CNTN5: variants seen among roughly 807,000 people sequenced by gnomAD.
CNTN5 encodes contactin 5, also known as contactin-5.
In CNTN5, 77 loss-of-function variants were observed where a neutral mutation model predicts 129.1. The observed-to-expected ratio is 0.60, with a 90% CI of 0.50 to 0.72. The LOEUF is 0.72. Ranked by LOEUF, CNTN5 falls within the 30% of genes least tolerant of loss-of-function variation. CNTN5 has a pLI of 0.00. For synonymous variants in CNTN5, 509 were observed against 465.6 expected (o/e 1.09, Z -1.20); for missense variants, 1,478 against 1,328.8 (o/e 1.11, Z -1.75).
rs200808386 is a variant in CNTN5, at chr11:99,176,477, CTCAAAA to C, written c.-209-148863_-209-148858del. Among the ~76,000 whole-genome samples the C allele has an allele frequency of 5.1e-4, 78 of 152,216 alleles. 1 individual carries two copies. The highest frequency in any genetic ancestry group is 4.5e-3 in the East Asian group (23 of 5,166). The stretch of plus-strand genomic sequence containing the variant: ...CAAAATGGATACTTCCAAAATCAAA[CTCAAAA>C]TCAAAGTCAAATAATTTTCCTTCCA... On this transcript the variant is annotated intron_variant, in intron 1 of 24. Coordinates refer to ENST00000524871, the MANE Select transcript of CNTN5 (RefSeq NM_014361.4).
At chr11:99,390,378 G>A (rs1019453942) in intron 2 of CNTN5, among the ~76,000 whole-genome samples, 3 of 152,088 alleles carry the variant, frequency 2.0e-5, no homozygotes, top group African/African-American at 2.4e-5. Context: ...TCAGCCTCCT[G>A]AAGCACTGGG....
chr11:99,976,830 A>C (rs1048771551), intron 8 of CNTN5, among the ~76,000 whole-genome samples: 1 of 152,236 alleles, frequency 6.6e-6, no homozygotes, highest in African/African-American at 2.4e-5. Flanking sequence ...TTGGCTATTA[A>C]CATATAGCTC....
rs778700437 is a variant in CNTN5, at chr11:100,231,531, TAACA to T, written c.2005+6720_2005+6723del. Among the ~76,000 whole-genome samples, 12 of 152,302 alleles carry T rather than the reference TAACA, an allele frequency of 7.9e-5. No individual in the cohort carries two copies. The East Asian group carries it at 1.9e-3, about 25-fold the overall frequency. ...CACCGTATACTCTAGTTAGTTAGACTAACAGAGTTCCAAGTTATACTTAGAGTGT... is the reference window on the plus strand; with the variant it reads ...CACCGTATACTCTAGTTAGTTAGACTGAGTTCCAAGTTATACTTAGAGTGT... On this transcript the variant is annotated intron_variant, in intron 16 of 24. Coordinates refer to ENST00000524871, the MANE Select transcript of CNTN5 (RefSeq NM_014361.4).
At chr11:99,287,656 T>A (rs764641938) in intron 1 of CNTN5, among the ~76,000 whole-genome samples, 17 of 152,056 alleles carry the variant, frequency 1.1e-4, no homozygotes, top group Non-Finnish European at 2.4e-4. Flanking sequence ...TTGACACTCA[T>A]CATAGTGAAT....
intron 1 of CNTN5, among the ~76,000 whole-genome samples, chr11:99,039,053 T>C (rs1863876812): frequency 6.6e-6 from 1 of 152,098 alleles, no homozygotes; most frequent in Non-Finnish European, 1.5e-5. Flanking sequence ...GAGTAAATAA[T>C]TGAAAACTGA....
chr11:99,454,356 GTGGGACCAAGTGGAGATAATTGAATCA>G (rs1944417451), intron 2 of CNTN5, among the ~76,000 whole-genome samples: 1 of 152,142 alleles, frequency 6.6e-6, no homozygotes, highest in Admixed American at 6.5e-5. Flanking sequence ...TGGGTCAAGG[GTGGGACCAAGTGGAGATAATTGAATCA>G]TAGGCCCAGT....
intron 6 of CNTN5, among the ~76,000 whole-genome samples, chr11:99,911,811 T>A (rs1455477639): frequency 2.0e-5 from 3 of 151,922 alleles, no homozygotes; most frequent in Non-Finnish European, 4.4e-5. Flanking sequence ...TACCACGTGT[T>A]ATCTTTATGA....
At chr11:99,991,295 G>A (rs11222254) in intron 8 of CNTN5, among the ~76,000 whole-genome samples, 9,089 of 151,882 alleles carry the variant, frequency 0.06, 439 homozygotes, top group African/African-American at 0.12. Context: ...GTGAAACCCC[G>A]TCTCTACTAA....
intron 2 of CNTN5, among the ~76,000 whole-genome samples, chr11:99,519,399 TTTAA>T (rs1947186898): frequency 6.6e-6 from 1 of 152,122 alleles, no homozygotes; most frequent in African/African-American, 2.4e-5. Context: ...AGTGTGATTA[TTTAA>T]TTAATGTCTC....
At chr11:99,036,334 C>G (rs1231942975) in intron 1 of CNTN5, among the ~76,000 whole-genome samples, 2 of 152,068 alleles carry the variant, frequency 1.3e-5, no homozygotes, top group Non-Finnish European at 2.9e-5. Flanking sequence ...GAGTTTCACT[C>G]CCTCAGAAGT....
intron 7 of CNTN5, among the ~76,000 whole-genome samples, chr11:99,952,376 G>C (rs749048134): frequency 6.6e-6 from 1 of 151,976 alleles, no homozygotes; most frequent in Non-Finnish European, 1.5e-5. Flanking sequence ...ATGGATGATG[G>C]AATTATGAAA....
At chr11:99,678,105 G>T (rs1953376806) in intron 3 of CNTN5, among the ~76,000 whole-genome samples, 1 of 151,912 alleles carries the variant, frequency 6.6e-6, no homozygotes, top group African/African-American at 2.4e-5. Context: ...CACAAAATAA[G>T]TACAAATTAT....
intron 16 of CNTN5, among the ~76,000 whole-genome samples, chr11:100,239,164 T>C (rs1457384225): frequency 6.6e-6 from 1 of 152,202 alleles, no homozygotes; most frequent in Non-Finnish European, 1.5e-5. Context: ...TGTGTTGACA[T>C]CCATCCTTGA....
chr11:99,610,646 G>C (rs1464452528), intron 3 of CNTN5, among the ~76,000 whole-genome samples: 1 of 152,112 alleles, frequency 6.6e-6, no homozygotes, highest in African/African-American at 2.4e-5. Context: ...TACTACAAGG[G>C]AACATGTGAA....
At chr11:99,870,469 T>G (rs1286145778) in intron 6 of CNTN5, among the ~76,000 whole-genome samples, 1 of 152,156 alleles carries the variant, frequency 6.6e-6, no homozygotes, top group Non-Finnish European at 1.5e-5. Context: ...ATGTCATAAC[T>G]AGACATGATA....
chr11:99,518,573 G>A (rs768441466), intron 2 of CNTN5, among the ~76,000 whole-genome samples: 4 of 152,068 alleles, frequency 2.6e-5, no homozygotes, highest in Middle Eastern at 3.4e-3. Flanking sequence ...TAAGGTTAAT[G>A]TTTTACATTG....
At chr11:99,616,200 C>G (rs567035445) in intron 3 of CNTN5, among the ~76,000 whole-genome samples, 1 of 152,284 alleles carries the variant, frequency 6.6e-6, no homozygotes, top group African/African-American at 2.4e-5. Context: ...TATAAGTCCG[C>G]TCTGTTCCCT....
intron 3 of CNTN5, among the ~76,000 whole-genome samples, chr11:99,572,655 T>C (rs1208932399): frequency 6.6e-6 from 1 of 152,188 alleles, no homozygotes; most frequent in Non-Finnish European, 1.5e-5. Context: ...AGACTGATGA[T>C]ATAATGCTCC....
intron 7 of CNTN5, among the ~76,000 whole-genome samples, chr11:99,921,062 C>G (rs534058774): frequency 2.0e-5 from 3 of 152,290 alleles, no homozygotes; most frequent in African/African-American, 7.2e-5. Context: ...AAGCCCTCAT[C>G]AGAAACCAAC....
Sources: gnomAD v4.1 joint callset for allele counts (sites outside exome capture counted in the v4.1 genomes callset) on GRCh38, gnomAD v4.1.1 for gene constraint, MANE v1.5 for transcripts, NCBI Gene and HGNC (gene_info 2026-07-23, HGNC 2026-07-21) for gene names.